The following SLC7A7 variants were observed in gnomAD, a reference collection of about 807,000 sequenced individuals.
SLC7A7 encodes the protein solute carrier family 7 member 7, also known as Y+L amino acid transporter 1.
Under a neutral mutation model 47.9 loss-of-function variants are expected in SLC7A7, and 39 were observed. The observed-to-expected ratio is 0.81, with a 90% CI of 0.63 to 1.06. The LOEUF is 1.06. Among genes scored for constraint, SLC7A7 ranks in the 50% least tolerant of loss-of-function variants. SLC7A7 has a pLI of 0.00. For synonymous variants in SLC7A7, 234 were observed against 242.8 expected (o/e 0.96, Z 0.34); for missense variants, 588 against 632.0 (o/e 0.93, Z 0.75).
rs1352089853 is a variant in SLC7A7 at position 22,813,313 on chromosome 14, T to C, written c.86A>G (p.Glu29Gly). ...GATCTCCTTCTTCAGCTTCACCTGC[T>C]CCGGCCCTGGGCTGGCCCCATCACC... ...PLGDGASPGP[E>G]QVKLKKEISL... is the part of the protein sequence containing the mutation. The change falls in exon 2 of 10, where the codon GAG becomes GGG. Residue 29 changes from glutamate to glycine, a missense_variant. Transcript: ENST00000674313. The C allele has an allele frequency of 1.2e-6, 2 of 1,614,152 alleles. No homozygotes were observed. Among genetic ancestry groups the C allele is most frequent in the Admixed American group, 3.3e-5 (2 of 60,028 alleles).
upstream of SLC7A7, among the ~76,000 whole-genome samples, chr14:22,819,335 C>G (rs145928115): frequency 1.5e-3 from 222 of 151,558 alleles, 1 homozygote; most frequent in African/African-American, 4.4e-3. Flanking sequence ...TCACTCCAAG[C>G]TAGAAGCTCA....
intron 2 of SLC7A7, 41 bp downstream of exon 2, chr14:22,812,859 C>T (rs775310607): frequency 1.2e-6 from 2 of 1,600,106 alleles, no homozygotes; most frequent in African/African-American, 1.3e-5. Flanking sequence ...CAGCCTCTGT[C>T]CAGCCCTCCA....
chr14:22,803,042 G>GT (rs1180960272), intron 2 of SLC7A7, among the ~76,000 whole-genome samples: 1 of 152,154 alleles, frequency 6.6e-6, no homozygotes, highest in Non-Finnish European at 1.5e-5. Context: ...TGATTCAGCA[G>GT]TGAGTAAAAC....
chr14:22,774,370 C>T lies in SLC7A7; in HGVS notation c.1229G>A (p.Arg410Gln), dbSNP rs368317701. The change falls in exon 8 of 10, where the codon CGA (arginine) becomes CAA (glutamine). Residue 410 changes from arginine to glutamine, a missense_variant. Transcript: ENST00000674313. ...QLYLRWKEPDRPRPLKLSVFF... is the reference protein window; with the variant it reads ...QLYLRWKEPDQPRPLKLSVFF... ...TTGCCTTACCTTGAGGGGACGAGGT[C>T]GATCAGGCTCCTTCCAGCGCAGATA... 5.5e-5 allele frequency: 89 copies of T among 1,613,996 alleles called. No individual in the cohort carries two copies. Among genetic ancestry groups the T allele is most frequent in the Non-Finnish European group, 6.8e-5 (80 of 1,180,022 alleles).
Position 22,773,877 on chromosome 14 carries a change from A to C in SLC7A7, c.1429+56T>G, listed in dbSNP as rs2038531829. The stretch of plus-strand genomic sequence containing the variant: ...GTCTTTGGAGGCTGGATTTACAGAA[A>C]AAGGCAAAAACCAAGCTCTGCAATA... On this transcript the variant is annotated intron_variant, in intron 9 of 9. Coordinates refer to ENST00000674313, the MANE Select transcript of SLC7A7 (RefSeq NM_003982.4). The C allele has an allele frequency of 8.1e-6, 13 of 1,609,406 alleles. No homozygotes were observed. The South Asian group carries it at 1.3e-4, about 16-fold the overall frequency.
At chr14:22,777,142 T>TAAAAAAAA (rs35326556) in intron 4 of SLC7A7, among the ~76,000 whole-genome samples, 1 of 64,144 alleles carries the variant, frequency 1.6e-5, no homozygotes, top group Non-Finnish European at 2.8e-5. Context: ...AGACCCTGTC[T>TAAAAAAAA]AAAAAAAAAA....
At chr14:22,806,897 T>A (rs940224382) in intron 2 of SLC7A7, among the ~76,000 whole-genome samples, 2 of 122,240 alleles carry the variant, frequency 1.6e-5, no homozygotes, top group African/African-American at 3.5e-5. Context: ...ACTGTTAACT[T>A]TTTTTTTTTT....
chr14:22,774,356 T>C lies in SLC7A7; in HGVS notation c.1243A>G (p.Lys415Glu). Reference sequence around the variant, plus strand: ...GAGGTAGGATGGAGTTGCCTTACCTTGAGGGGACGAGGTCGATCAGGCTCC... The same window carrying C: ...GAGGTAGGATGGAGTTGCCTTACCTCGAGGGGACGAGGTCGATCAGGCTCC... The part of the protein sequence containing the change: ...WKEPDRPRPL[K>E]LSVFFPIVFC... The change falls in exon 8 of 10, where the codon AAG becomes GAG. Residue 415 changes from lysine (K) to glutamate (E), a missense_variant and splice_region_variant. Physicochemically the swap from Lys to Glu is moderately conservative, Grantham distance 56 (BLOSUM62 1). Transcript: ENST00000674313. 2 of 1,614,088 alleles carry C rather than the reference T, an allele frequency of 1.2e-6. No homozygotes were observed. Among genetic ancestry groups the C allele is most frequent in the Middle Eastern group, 1.7e-4 (1 of 6,054 alleles).
intron 2 of SLC7A7, among the ~76,000 whole-genome samples, chr14:22,808,667 C>A (rs1407673496): frequency 6.6e-6 from 1 of 152,110 alleles, no homozygotes. Flanking sequence ...AAAACAAAAC[C>A]AAAACAGTGG....
At chr14:22,778,125 C>T (rs1257878614) in intron 4 of SLC7A7, among the ~76,000 whole-genome samples, 1 of 152,074 alleles carries the variant, frequency 6.6e-6, no homozygotes, top group Non-Finnish European at 1.5e-5. Flanking sequence ...AATCTTAGTT[C>T]CCAGAATCAT....
rs2038531440 is a variant in SLC7A7 at position 22,773,861 on chromosome 14, G to A, written c.1429+72C>T. 5 of 1,594,482 alleles carry A rather than the reference G, an allele frequency of 3.1e-6. No individual in the cohort carries two copies. In the Admixed American group the frequency reaches 6.8e-5, roughly 22 times the overall value. The stretch of plus-strand genomic sequence containing the variant: ...GGGCTAAGGCAAAGATGTCTTTGGA[G>A]GCTGGATTTACAGAAAAAGGCAAAA... On this transcript the variant is annotated intron_variant, in intron 9 of 9. Transcript: ENST00000674313.
intron 2 of SLC7A7, among the ~76,000 whole-genome samples, chr14:22,789,183 T>C (rs1385022765): frequency 6.6e-6 from 1 of 152,192 alleles, no homozygotes; most frequent in East Asian, 1.9e-4. Context: ...AAGTTATCAC[T>C]TCAGAGTGCT....
intron 2 of SLC7A7, among the ~76,000 whole-genome samples, chr14:22,788,793 G>T (rs543429115): frequency 6.6e-6 from 1 of 151,434 alleles, no homozygotes; most frequent in Non-Finnish European, 1.5e-5. Flanking sequence ...AGATGCAAAA[G>T]TGTACATATA....
chr14:22,789,105 C>T (rs1325379842), intron 2 of SLC7A7, among the ~76,000 whole-genome samples: 2 of 152,178 alleles, frequency 1.3e-5, no homozygotes, highest in South Asian at 2.1e-4. Context: ...TGATTTCCCA[C>T]CCTTCTGCTC....
chr14:22,787,631 C>T (rs184750572), intron 2 of SLC7A7, among the ~76,000 whole-genome samples: 1 of 151,852 alleles, frequency 6.6e-6, no homozygotes, highest in East Asian at 1.9e-4. Context: ...TGGCACACGC[C>T]TGTGGTCCCA....
intron 2 of SLC7A7, among the ~76,000 whole-genome samples, chr14:22,801,639 A>C (rs1050054354): frequency 1.3e-5 from 2 of 152,140 alleles, no homozygotes; most frequent in East Asian, 3.9e-4. Flanking sequence ...TTAGCTGAGC[A>C]TGGTGGTGCA....
Position 22,780,252 on chromosome 14 carries a change from C to T in SLC7A7, c.500-201G>A, listed in dbSNP as rs915678946. 3.9e-5 allele frequency: 22 copies of T among 567,686 alleles called. No individual in the cohort carries two copies. In the African/African-American group the frequency reaches 4.0e-4, roughly 10 times the overall value. The allele number at this position is 567,686 out of a possible 1,614,324, so 35.2% of individuals were successfully genotyped here. A position where few individuals can be genotyped will look rare whatever the true frequency, so the allele number is the denominator to read the frequency against. On this transcript the variant is annotated intron_variant, in intron 2 of 9. Coordinates refer to ENST00000674313, the MANE Select transcript of SLC7A7 (RefSeq NM_003982.4). Reference sequence around the variant, plus strand: ...CATACAAAGGCCTCTATACTCCCCACCCCCAGCACCTTATATGGGAGACAC... The same window carrying T: ...CATACAAAGGCCTCTATACTCCCCATCCCCAGCACCTTATATGGGAGACAC...
rs562314836 is a variant in SLC7A7, at chr14:22,811,783, T to C, written c.499+1117A>G. On this transcript the variant is annotated intron_variant, in intron 2 of 9. Coordinates refer to ENST00000674313, the MANE Select transcript of SLC7A7 (RefSeq NM_003982.4). ...AGGAGAATCACTTGAACCCAGAAGA[T>C]GGAGGTTGCAGTGAGCTGAGATTGC... 9.2e-5 allele frequency among the ~76,000 whole-genome samples: 13 copies of C among 141,966 alleles called. No homozygotes were observed. The South Asian group carries it at 2.7e-3, about 29-fold the overall frequency. 93.1% of individuals were successfully genotyped at this position (141,966 alleles called of 152,430 possible). A position where few individuals can be genotyped will look rare whatever the true frequency, so the allele number is the denominator to read the frequency against.
chr14:22,818,616 T>C (rs533564996), upstream of SLC7A7, among the ~76,000 whole-genome samples: 1 of 150,952 alleles, frequency 6.6e-6, no homozygotes, highest in African/African-American at 2.4e-5. Context: ...GGGTTTTTTT[T>C]ACCCGAGATG....
Sources: allele counts gnomAD v4.1 joint callset (sites outside exome capture counted in the v4.1 genomes callset), GRCh38; gene constraint gnomAD v4.1.1; transcripts MANE v1.5; gene names NCBI Gene and HGNC (gene_info 2026-07-23, HGNC 2026-07-21).